COL26A1: variants seen among roughly 807,000 people sequenced by gnomAD.
The protein encoded by COL26A1 is collagen alpha-1(XXVI) chain.
COL26A1 carries 41 observed loss-of-function variants against 59.3 expected under a neutral mutation model. The observed-to-expected ratio is 0.69, with a 90% CI of 0.54 to 0.90. The LOEUF (loss-of-function observed/expected upper bound fraction) is 0.90, where lower values mean the gene tolerates loss of function less well. Among genes scored for constraint, COL26A1 ranks in the 40% least tolerant of loss-of-function variants. The probability of loss-of-function intolerance (pLI) is 0.00; values close to 1 mark genes in which losing one functional copy is unlikely to be tolerated. For synonymous variants in COL26A1, 266 were observed against 256.0 expected (o/e 1.04, Z -0.37); for missense variants, 612 against 602.3 (o/e 1.02, Z -0.17).
chr7:101,459,311 G>GT (rs950575036), intron 3 of COL26A1, among the ~76,000 whole-genome samples: 3 of 151,676 alleles, frequency 2.0e-5, no homozygotes, highest in Non-Finnish European at 4.4e-5. Context: ...TTTGTTGTTT[G>GT]TTTTTTGAGA....
In COL26A1 at chr7:101,463,891, TTCTTTCTTTCTTTTTCTTTCTC is replaced by T. The variant is rs1287079753; in HGVS notation, c.385+16117_385+16138del. Among the ~76,000 whole-genome samples the T allele has an allele frequency of 2.4e-4, 31 of 126,862 alleles. 1 individual carries two copies. The highest frequency in any genetic ancestry group is 2.2e-4 in the African/African-American group (6 of 27,600). 83.2% of individuals were successfully genotyped at this position (126,862 alleles called of 152,430 possible). On this transcript the variant is annotated intron_variant, in intron 3 of 12. Transcript: ENST00000313669. ...TTCTTTTCTTTCTTTCTTTCTTTCT[TTCTTTCTTTCTTTTTCTTTCTC>T]TCTTTCTTTCTTCTTTTATTCTTTC...
chr7:101,506,217 G>T (rs940463415), intron 3 of COL26A1, among the ~76,000 whole-genome samples: 1 of 152,208 alleles, frequency 6.6e-6, no homozygotes, highest in African/African-American at 2.4e-5. Flanking sequence ...GACTGTCCCG[G>T]TTGTTTGGGG....
chr7:101,435,223 A>G (rs1176498017), intron 2 of COL26A1, among the ~76,000 whole-genome samples: 1 of 152,132 alleles, frequency 6.6e-6, no homozygotes, highest in African/African-American at 2.4e-5. Flanking sequence ...GGAGGCTGAG[A>G]CAGAAGACGT....
intron 3 of COL26A1, among the ~76,000 whole-genome samples, chr7:101,498,440 G>C (rs573832828): frequency 5.0e-4 from 76 of 152,310 alleles, no homozygotes; most frequent in African/African-American, 1.8e-3. Flanking sequence ...ATAGAGAGAG[G>C]AGACCCAGGT....
At chr7:101,362,773 GC>G, upstream of COL26A1, 1 of 510,284 alleles carries the variant, frequency 2.0e-6, no homozygotes. Flanking sequence ...CGCCTCCTCG[GC>G]CCCGGACCGC....
chr7:101,467,735 C>T (rs1172504046), intron 3 of COL26A1, among the ~76,000 whole-genome samples: 3 of 151,950 alleles, frequency 2.0e-5, no homozygotes, highest in Non-Finnish European at 2.9e-5. Context: ...GGTATGGTGG[C>T]GGGCGCCTGT....
At chr7:101,367,162 G>A (rs534793575) in intron 1 of COL26A1, among the ~76,000 whole-genome samples, 4 of 152,312 alleles carry the variant, frequency 2.6e-5, no homozygotes, top group South Asian at 4.1e-4. Flanking sequence ...TGGGCTTGCT[G>A]GGAGAGACAG....
chr7:101,459,405 T>C (rs1335709588), intron 3 of COL26A1, among the ~76,000 whole-genome samples: 1 of 152,092 alleles, frequency 6.6e-6, no homozygotes, highest in Admixed American at 6.6e-5. Context: ...GCTGAAGCGA[T>C]TCTCCTGCCT....
chr7:101,555,415 G>T (rs1458979947), intron 11 of COL26A1, among the ~76,000 whole-genome samples: 1 of 152,188 alleles, frequency 6.6e-6, no homozygotes, highest in Non-Finnish European at 1.5e-5. Flanking sequence ...TAGGTGCTCT[G>T]TCCTGGTTAG....
In COL26A1 at chr7:101,465,115, G is replaced by C. The variant is rs547468274; in HGVS notation, c.385+17328G>C. Among the ~76,000 whole-genome samples the C allele has an allele frequency of 1.7e-3, 258 of 148,598 alleles. 1 individual carries two copies. Among genetic ancestry groups the C allele is most frequent in the Admixed American group, 2.8e-3 (41 of 14,614 alleles). ...TGTGGTAGTGCGACGATAGCTCACTGCAGCCTTGAACTCCTGGGCTCAAGC... is the reference window on the plus strand; with the variant it reads ...TGTGGTAGTGCGACGATAGCTCACTCCAGCCTTGAACTCCTGGGCTCAAGC... On this transcript the variant is annotated intron_variant, in intron 3 of 12. Coordinates refer to ENST00000313669, the MANE Select transcript of COL26A1 (RefSeq NM_001278563.3).
At chr7:101,385,335 A>ATGTATATATATATATG (rs1791544523) in intron 1 of COL26A1, among the ~76,000 whole-genome samples, 3 of 145,752 alleles carry the variant, frequency 2.1e-5, no homozygotes, top group Admixed American at 6.9e-5. Context: ...GACACTAAAT[A>ATGTATATATATATATG]TGTATATATA....
At chr7:101,551,237 G>GGGGGGGGGGGGGGGGGGGGT in intron 10 of COL26A1, 94 bp downstream of exon 10, 2 of 386,366 alleles carry the variant, frequency 5.2e-6, no homozygotes, top group Non-Finnish European at 5.0e-6. Flanking sequence ...TGGTGGGGGG[G>GGGGGGGGGGGGGGGGGGGGT]TTCAGCCCTG....
chr7:101,483,314 CAGTCGCCCA>C (rs1351443707), intron 3 of COL26A1, among the ~76,000 whole-genome samples: 6 of 151,674 alleles, frequency 4.0e-5, no homozygotes, highest in Non-Finnish European at 8.8e-5. Context: ...TCTCCTGCCT[CAGTCGCCCA>C]AGTAGCTGGG....
At chr7:101,548,977 G>A (rs919269103) in intron 8 of COL26A1, among the ~76,000 whole-genome samples, 194 bp from the exon 9 acceptor site, 4 of 152,208 alleles carry the variant, frequency 2.6e-5, no homozygotes, top group Non-Finnish European at 5.9e-5. Context: ...GCTGTGGGCA[G>A]CCGGTGGAGA....
chr7:101,432,677 A>G (rs186791253), intron 2 of COL26A1, among the ~76,000 whole-genome samples: 40 of 152,264 alleles, frequency 2.6e-4, no homozygotes, highest in Non-Finnish European at 4.1e-4. Flanking sequence ...CTAAGATGCC[A>G]TTGGTAGTAA....
At chr7:101,438,979 C>T (rs1418516693) in intron 2 of COL26A1, among the ~76,000 whole-genome samples, 4 of 152,162 alleles carry the variant, frequency 2.6e-5, no homozygotes, top group African/African-American at 7.2e-5. Context: ...CGCCCAGCCC[C>T]CTTTCTTTCC....
intron 3 of COL26A1, among the ~76,000 whole-genome samples, chr7:101,518,432 C>T (rs1795075173): frequency 6.6e-6 from 1 of 152,118 alleles, no homozygotes; most frequent in African/African-American, 2.4e-5. Context: ...GCTTGGAGCA[C>T]CATTAAGACA....
chr7:101,417,744 T>TG (rs1562969508), intron 1 of COL26A1, among the ~76,000 whole-genome samples: 2 of 149,244 alleles, frequency 1.3e-5, no homozygotes, highest in Admixed American at 6.7e-5. Flanking sequence ...TATCTTGAGA[T>TG]GGAGTCTTAC....
At chr7:101,427,901 G>C (rs372805849) in intron 2 of COL26A1, among the ~76,000 whole-genome samples, 1 of 152,084 alleles carries the variant, frequency 6.6e-6, no homozygotes, top group Non-Finnish European at 1.5e-5. Context: ...TAAAACTTTT[G>C]TGTGGAAAAG....
Sources: allele counts gnomAD v4.1 joint callset (sites outside exome capture counted in the v4.1 genomes callset), GRCh38; gene constraint gnomAD v4.1.1; transcripts MANE v1.5; gene names NCBI Gene and HGNC (gene_info 2026-07-23, HGNC 2026-07-21).